The following NPIPB11 variants were observed in gnomAD, a reference collection of about 807,000 sequenced individuals.
NPIPB11 encodes the protein nuclear pore complex-interacting protein family member B11.
A neutral mutation model predicts 32.8 loss-of-function variants in NPIPB11; 17 were observed. That is an observed-to-expected ratio of 0.52 (90% confidence interval 0.35 to 0.78). NPIPB11 has a LOEUF of 0.78. NPIPB11 is among the 30% of genes least tolerant of loss of function. The pLI is 0.01. For missense variants in NPIPB11, 537 were observed against 1,000.4 expected (o/e 0.54, Z 6.25); for synonymous variants, 209 against 398.4 (o/e 0.52, Z 5.66).
intron 2 of NPIPB11, among the ~76,000 whole-genome samples, chr16:29,400,876 T>C (rs1963972354): frequency 6.6e-6 from 1 of 151,726 alleles, no homozygotes; most frequent in Admixed American, 6.6e-5. Flanking sequence ...GCAAGTAGAG[T>C]CACCAAGTCT....
chr16:29,401,791 A>G (rs1172100014), intron 2 of NPIPB11, among the ~76,000 whole-genome samples: 2 of 152,158 alleles, frequency 1.3e-5, no homozygotes, highest in East Asian at 3.9e-4. Context: ...CAGCTCCCAT[A>G]TGGAGGCTGC....
chr16:29,399,400 C>A (rs1426923540), intron 2 of NPIPB11, among the ~76,000 whole-genome samples: 4 of 149,296 alleles, frequency 2.7e-5, no homozygotes, highest in Non-Finnish European at 5.9e-5. Flanking sequence ...AAGAAACAAG[C>A]AAAACAAAAA....
At chr16:29,391,691 T>G (rs1031360190) in intron 3 of NPIPB11, among the ~76,000 whole-genome samples, 3 of 152,178 alleles carry the variant, frequency 2.0e-5, no homozygotes, top group Non-Finnish European at 4.4e-5. Context: ...CAGATGTCGG[T>G]CAGATACCTA....
At chr16:29,394,425 AC>A (rs1042047187) in intron 2 of NPIPB11, among the ~76,000 whole-genome samples, 4 of 114,830 alleles carry the variant, frequency 3.5e-5, no homozygotes, top group Non-Finnish European at 1.8e-5. Context: ...CTAAAAAAAA[AC>A]CTCTTTTTTT....
chr16:29,389,995 G>T (rs1014698426), exon 5 of NPIPB11: 2 of 1,590,520 alleles, frequency 1.3e-6, no homozygotes, highest in African/African-American at 2.7e-5. Context: ...GTTGATTTTC[G>T]TTGTCACCTT....
chr16:29,389,705 G>C (rs1056127400), intron 5 of NPIPB11, among the ~76,000 whole-genome samples: 1 of 128,128 alleles, frequency 7.8e-6, no homozygotes, highest in African/African-American at 3.0e-5. Context: ...AAAAGAGAAA[G>C]GAAAACCAAT....
intron 5 of NPIPB11, among the ~76,000 whole-genome samples, chr16:29,389,126 T>C (rs955720365): frequency 1.4e-5 from 2 of 143,028 alleles, no homozygotes; most frequent in African/African-American, 2.6e-5. Flanking sequence ...ACCTGGGAGG[T>C]GGAGGTTGCA....
intron 3 of NPIPB11, among the ~76,000 whole-genome samples, chr16:29,393,536 T>G (rs1335298114): frequency 6.6e-6 from 1 of 151,870 alleles, no homozygotes; most frequent in East Asian, 1.9e-4. Context: ...GTTTTTCTTT[T>G]CCTGTTAAGC....
intron 2 of NPIPB11, among the ~76,000 whole-genome samples, chr16:29,395,609 C>G (rs908935283): frequency 1.1e-5 from 1 of 87,350 alleles, no homozygotes; most frequent in Non-Finnish European, 2.1e-5. Context: ...TAAAGCTCAG[C>G]ATAAGTAAAA....
chr16:29,390,384 C>T (rs748323793), intron 3 of NPIPB11, 36 bp from the exon 4 acceptor site: 78 of 1,580,234 alleles, frequency 4.9e-5, no homozygotes, highest in Non-Finnish European at 5.8e-5. Context: ...CGGCTGGGCA[C>T]GGTGGCTCAT....
chr16:29,397,621 A>G (rs1963890767), intron 2 of NPIPB11: 4 of 1,471,752 alleles, frequency 2.7e-6, no homozygotes, highest in Non-Finnish European at 3.7e-6. Context: ...AGGAGCCAAA[A>G]GAGCATCCAC....
intron 2 of NPIPB11, among the ~76,000 whole-genome samples, chr16:29,397,303 C>T (rs1963881399): frequency 6.6e-6 from 1 of 151,856 alleles, no homozygotes. Context: ...AGCTCCTGGG[C>T]CCAAGCGATC....
At chr16:29,402,746 G>GTGTGTGTATGTA (rs1964026628) in intron 2 of NPIPB11, among the ~76,000 whole-genome samples, 1 of 150,422 alleles carries the variant, frequency 6.6e-6, no homozygotes, top group African/African-American at 2.5e-5. Context: ...GTGTGTGTGT[G>GTGTGTGTATGTA]TGTGTGTGTG....
exon 8 of NPIPB11, chr16:29,382,247 A>C: frequency 6.3e-7 from 1 of 1,598,328 alleles, no homozygotes; most frequent in Non-Finnish European, 8.5e-7. Flanking sequence ...TCTTGAGATT[A>C]TCATCCGCTG....
At chr16:29,390,168 A>C in intron 4 of NPIPB11, 32 bp from the exon 5 acceptor site, 1 of 1,331,950 alleles carries the variant, frequency 7.5e-7, no homozygotes, top group Non-Finnish European at 1.1e-6. Context: ...AGAAGGTGAG[A>C]AACCTGAGGG....
intron 3 of NPIPB11, among the ~76,000 whole-genome samples, chr16:29,391,723 T>G (rs1423151444): frequency 6.6e-6 from 1 of 152,080 alleles, no homozygotes; most frequent in Non-Finnish European, 1.5e-5. Flanking sequence ...AGGTAGTCAT[T>G]GAAATGACTT....
At chr16:29,389,263 G>A (rs1315619570) in intron 5 of NPIPB11, among the ~76,000 whole-genome samples, 1 of 150,692 alleles carries the variant, frequency 6.6e-6, no homozygotes, top group East Asian at 2.0e-4. Flanking sequence ...TACTCGGGAG[G>A]CTGAGGCAGA....
intron 2 of NPIPB11, among the ~76,000 whole-genome samples, chr16:29,402,708 CTCTCTCTCTCTCTCTCTGTG>C (rs1964021254): frequency 8.2e-6 from 1 of 121,222 alleles, no homozygotes; most frequent in Non-Finnish European, 1.7e-5. Context: ...GTCTCTCTCT[CTCTCTCTCTCTCTCTCTGTG>C]TGTGTGTGTG....
At chr16:29,397,460 C>G (rs905664378) in intron 2 of NPIPB11, 306 of 1,166,850 alleles carry the variant, frequency 2.6e-4, no homozygotes, top group Non-Finnish European at 3.3e-4. Flanking sequence ...ATCTGCCCAC[C>G]TCGGCCCCCT....
Sources: gnomAD v4.1 joint callset for allele counts (sites outside exome capture counted in the v4.1 genomes callset) on GRCh38, gnomAD v4.1.1 for gene constraint, MANE v1.5 for transcripts, NCBI Gene and HGNC (gene_info 2026-07-23, HGNC 2026-07-21) for gene names.